TSC22D1: variants seen among roughly 807,000 people sequenced by gnomAD.
TSC22D1 encodes TSC22 domain family member 1.
Under a neutral mutation model 74.2 loss-of-function variants are expected in TSC22D1, and 9 were observed. The ratio of observed to expected loss-of-function variants is 0.12; its 90% CI spans 0.07 to 0.21. TSC22D1 has a LOEUF of 0.21. TSC22D1 is among the 10% of genes least tolerant of loss of function. The pLI is 1.00. For synonymous variants in TSC22D1, 586 were observed against 492.5 expected, an observed-to-expected ratio of 1.19 and a Z score of -2.51; for missense variants, 1,427 against 1,304.7, an observed-to-expected ratio of 1.09 and a Z score of -1.44.
At chr13:44,512,623 T>G (rs1879786105) in intron 1 of TSC22D1, among the ~76,000 whole-genome samples, 1 of 151,766 alleles carries the variant, frequency 6.6e-6, no homozygotes, top group Non-Finnish European at 1.5e-5. Flanking sequence ...ATCTATAAAT[T>G]AACAAGACTT....
At chr13:44,468,449 A>T (rs1260202180) in intron 1 of TSC22D1, among the ~76,000 whole-genome samples, 1 of 149,868 alleles carries the variant, frequency 6.7e-6, no homozygotes, top group African/African-American at 2.4e-5. Flanking sequence ...AGCACTTTGT[A>T]TGTATCATCT....
At position 44,451,673 on chromosome 13, in the gene TSC22D1, G is replaced by C. The variant is rs74068771; in HGVS notation, c.2913-15578C>G. On this transcript the variant is annotated intron_variant, in intron 1 of 2. Transcript: ENST00000458659. ...CATGACATGCATATTTCTCACCAAT[G>C]AATTGAGACTTTAAGCAAATGGCTC... 6.8e-3 allele frequency among the ~76,000 whole-genome samples: 1,040 copies of C among 152,332 alleles called. 12 individuals carry two copies. Among genetic ancestry groups the C allele is most frequent in the African/African-American group, 0.024 (992 of 41,570 alleles).
Position 44,491,275 on chromosome 13 carries a change from C to T in TSC22D1, c.2913-55180G>A, listed in dbSNP as rs117448641. On this transcript the variant is annotated intron_variant, in intron 1 of 2. Transcript: ENST00000458659. The stretch of plus-strand genomic sequence containing the variant: ...AACCTGAAGATTAGTATCCAGAGGC[C>T]GGGCGCAGTGGCTCACGCCTGTAAT... Among the ~76,000 whole-genome samples the T allele has an allele frequency of 4.7e-3, 720 of 152,234 alleles. 10 individuals are homozygous for T. Among genetic ancestry groups the T allele is most frequent in the East Asian group, 0.038 (197 of 5,158 alleles).
rs764377104 is a variant in TSC22D1, at chr13:44,576,015, C to T, written c.60G>A (p.Arg20=). 5 of 1,588,742 alleles carry T rather than the reference C, an allele frequency of 3.1e-6. No individual in the cohort carries two copies. In the East Asian group the frequency reaches 6.9e-5, roughly 22 times the overall value. ...GGAACATTGCCGGGTGCGCCATCTT[C>T]CTAGCGCTAATGTCTGCAGCGGCGG... ...AAAAAADISA[R]KMAHPAMFPR... Residue 20 remains arginine, a synonymous_variant, in exon 1 of 3, where the codon AGG becomes AGA. Transcript: ENST00000458659.
At position 44,545,747 on chromosome 13, in the gene TSC22D1, C is replaced by T. The variant is rs140240167; in HGVS notation, c.2912+27416G>A. ...ATCTCAGCATTCTGGGAGGCCAAGGCGGGTGGATCACTTGAGGCCAGGAGT... is the reference window on the plus strand; with the variant it reads ...ATCTCAGCATTCTGGGAGGCCAAGGTGGGTGGATCACTTGAGGCCAGGAGT... On this transcript the variant is annotated intron_variant, in intron 1 of 2. Transcript: ENST00000458659. 2.1e-3 allele frequency among the ~76,000 whole-genome samples: 313 copies of T among 152,006 alleles called. 11 individuals are homozygous for T. The East Asian group carries it at 0.051, about 25-fold the overall frequency.
rs111918824 is a variant in TSC22D1 at position 44,564,187 on chromosome 13, G to C, written c.2912+8976C>G. Among the ~76,000 whole-genome samples the C allele has an allele frequency of 3.1e-4, 47 of 152,142 alleles. 1 individual carries two copies. The highest frequency in any genetic ancestry group is 1.1e-3 in the African/African-American group (46 of 41,530). On this transcript the variant is annotated intron_variant, in intron 1 of 2. Coordinates refer to ENST00000458659, the MANE Select transcript of TSC22D1 (RefSeq NM_183422.4). ...ATTAATAGTATATTTTCTTGATTAA[G>C]CAGATTTCTTATGACAATATTAACA...
chr13:44,463,610 T>C (rs543384575), intron 1 of TSC22D1, among the ~76,000 whole-genome samples: 1 of 152,144 alleles, frequency 6.6e-6, no homozygotes, highest in Non-Finnish European at 1.5e-5. Flanking sequence ...TTTAAACAAA[T>C]AGCTAACTCC....
At chr13:44,527,474 T>C (rs1880602629) in intron 1 of TSC22D1, among the ~76,000 whole-genome samples, 3 of 152,162 alleles carry the variant, frequency 2.0e-5, no homozygotes, top group Admixed American at 2.0e-4. Context: ...GGTGGATTCG[T>C]TGTAAATGTA....
chr13:44,463,371 G>A (rs1375078459), intron 1 of TSC22D1, among the ~76,000 whole-genome samples: 2 of 152,136 alleles, frequency 1.3e-5, no homozygotes, highest in Non-Finnish European at 2.9e-5. Context: ...TCACATATCT[G>A]TATTACTCTT....
intron 1 of TSC22D1, chr13:44,436,823 C>G (rs1443777492): frequency 1.5e-6 from 2 of 1,360,310 alleles, no homozygotes; most frequent in Non-Finnish European, 1.9e-6. Context: ...AGAGGCGCTT[C>G]CCAGATCCGC....
chr13:44,455,666 CTCT>C (rs1020902878), intron 1 of TSC22D1, among the ~76,000 whole-genome samples: 5 of 152,166 alleles, frequency 3.3e-5, no homozygotes, highest in African/African-American at 1.2e-4. Context: ...GCAATGATAG[CTCT>C]TTTTTGAGTC....
At chr13:44,572,866 T>C (rs1420747476) in intron 1 of TSC22D1, among the ~76,000 whole-genome samples, 5 of 152,218 alleles carry the variant, frequency 3.3e-5, no homozygotes, top group African/African-American at 9.6e-5. Context: ...CTTTCCATAA[T>C]ATTTCTAAAA....
At chr13:44,460,523 G>C (rs1300386436) in intron 1 of TSC22D1, among the ~76,000 whole-genome samples, 1 of 152,036 alleles carries the variant, frequency 6.6e-6, no homozygotes, top group Non-Finnish European at 1.5e-5. Flanking sequence ...TTTACTTTAT[G>C]TCTTTAAAGA....
chr13:44,450,135 G>A (rs575354524), intron 1 of TSC22D1, among the ~76,000 whole-genome samples: 29 of 152,312 alleles, frequency 1.9e-4, no homozygotes, highest in African/African-American at 6.5e-4. Context: ...ACAAATAAGA[G>A]TTGTCCAGTT....
At chr13:44,472,411 G>T (rs906479466) in intron 1 of TSC22D1, among the ~76,000 whole-genome samples, 1 of 151,852 alleles carries the variant, frequency 6.6e-6, no homozygotes, top group African/African-American at 2.4e-5. Flanking sequence ...TTGCACACTG[G>T]TATCAATCCT....
chr13:44,543,903 C>G (rs535954345), intron 1 of TSC22D1, among the ~76,000 whole-genome samples: 63 of 152,212 alleles, frequency 4.1e-4, no homozygotes, highest in African/African-American at 1.5e-3. Context: ...ACCAGACTGG[C>G]CAACATGGTG....
At chr13:44,555,630 TAAAC>T (rs1049391125) in intron 1 of TSC22D1, among the ~76,000 whole-genome samples, 3 of 151,640 alleles carry the variant, frequency 2.0e-5, no homozygotes, top group Admixed American at 6.6e-5. Context: ...AATAAATAAA[TAAAC>T]AAATATGTAC....
intron 1 of TSC22D1, among the ~76,000 whole-genome samples, chr13:44,491,612 C>T (rs763183722): frequency 1.3e-5 from 2 of 150,846 alleles, no homozygotes; most frequent in East Asian, 3.9e-4. Context: ...AAAGAGCTTC[C>T]GTAAATAAGT....
rs895710862 is a variant in TSC22D1, at chr13:44,468,360, C to T, written c.2913-32265G>A. Among the ~76,000 whole-genome samples the T allele has an allele frequency of 1.3e-4, 17 of 130,990 alleles. 1 individual carries two copies. Among genetic ancestry groups the T allele is most frequent in the African/African-American group, 4.1e-4 (16 of 39,298 alleles). The allele number at this position is 130,990 out of a possible 152,430, so 85.9% of individuals were successfully genotyped here. A position where few individuals can be genotyped will look rare whatever the true frequency, so the allele number is the denominator to read the frequency against. On this transcript the variant is annotated intron_variant, in intron 1 of 2. Coordinates refer to ENST00000458659, the MANE Select transcript of TSC22D1 (RefSeq NM_183422.4). ...CTATGTAACCAAAAACCACTTGTAC[C>T]CCTAAAGCTATTGAATTTTTTTTTT...
Sources: allele counts gnomAD v4.1 joint callset (sites outside exome capture counted in the v4.1 genomes callset), GRCh38; gene constraint gnomAD v4.1.1; transcripts MANE v1.5; gene names NCBI Gene and HGNC (gene_info 2026-07-23, HGNC 2026-07-21).